The following LPIN1 variants were observed in gnomAD, a reference collection of about 807,000 sequenced individuals.
LPIN1 encodes phosphatidate phosphatase LPIN1.
Under a neutral mutation model 107.5 loss-of-function variants are expected in LPIN1, and 71 were observed. The ratio of observed to expected loss-of-function variants is 0.66; its 90% CI spans 0.55 to 0.80. LPIN1 has a LOEUF of 0.80. LPIN1 is among the 30% of genes least tolerant of loss of function. The pLI, the probability that LPIN1 is intolerant of heterozygous loss-of-function variation, is 0.00. For missense variants in LPIN1, 1,043 were observed against 1,160.6 expected (o/e 0.90, Z 1.47); for synonymous variants, 445 against 452.6 (o/e 0.98, Z 0.21).
chr2:11,754,142 G>T (rs539632449), intron 1 of LPIN1, among the ~76,000 whole-genome samples: 1 of 152,326 alleles, frequency 6.6e-6, no homozygotes, highest in South Asian at 2.1e-4. Flanking sequence ...GTCCTGACAT[G>T]ATCCGTTGGC....
At chr2:11,712,481 T>A (rs7591517) in intron 1 of LPIN1, among the ~76,000 whole-genome samples, 23,507 of 152,184 alleles carry the variant, frequency 0.15, 2,015 homozygotes, top group East Asian at 0.3. Context: ...CACTAGCTTA[T>A]GAGTGACTTA....
chr2:11,782,787 C>A (rs1417081130), intron 8 of LPIN1, among the ~76,000 whole-genome samples: 3 of 152,212 alleles, frequency 2.0e-5, no homozygotes, highest in Non-Finnish European at 4.4e-5. Flanking sequence ...TTCCAGCACA[C>A]CATGGGACCC....
chr2:11,810,622 C>T (rs1006336275), intron 17 of LPIN1, among the ~76,000 whole-genome samples: 8 of 152,164 alleles, frequency 5.3e-5, no homozygotes, highest in African/African-American at 1.7e-4. Context: ...TTTTTCTCTA[C>T]AGCAGTGGCT....
chr2:11,706,122 T>G (rs983180024), intron 1 of LPIN1, among the ~76,000 whole-genome samples: 41 of 152,250 alleles, frequency 2.7e-4, no homozygotes, highest in African/African-American at 9.4e-4. Flanking sequence ...CCCAGCCATG[T>G]GGAACTGTTA....
intron 20 of LPIN1, 130 bp from the exon 21 acceptor site, chr2:11,824,502 T>C: frequency 1.2e-6 from 1 of 817,168 alleles, no homozygotes; most frequent in Admixed American, 2.0e-5. Context: ...TATTCTAGAA[T>C]GACTTGAGTC....
chr2:11,739,048 T>C (rs11894146), intron 1 of LPIN1, among the ~76,000 whole-genome samples: 38,250 of 152,214 alleles, frequency 0.25, 7,160 homozygotes, highest in African/African-American at 0.53. Context: ...TACTAATATG[T>C]TTCTAAAGGA....
At chr2:11,756,222 G>C (rs1228502147) in intron 1 of LPIN1, among the ~76,000 whole-genome samples, 2 of 152,156 alleles carry the variant, frequency 1.3e-5, no homozygotes, top group African/African-American at 2.4e-5. Context: ...TGGACCCACT[G>C]TTATGTCCCA....
intron 1 of LPIN1, among the ~76,000 whole-genome samples, chr2:11,764,040 G>T (rs891126549): frequency 1.5e-5 from 2 of 133,480 alleles, no homozygotes; most frequent in South Asian, 2.6e-4. Context: ...GCCAGAGCAA[G>T]ATCCTATCTT....
intron 2 of LPIN1, among the ~76,000 whole-genome samples, chr2:11,716,115 G>A (rs1320709156): frequency 6.6e-6 from 1 of 152,128 alleles, no homozygotes; most frequent in Non-Finnish European, 1.5e-5. Context: ...GACAAGGTCT[G>A]GGCTGGAAAC....
chr2:11,786,722 T>G lies in LPIN1; in HGVS notation c.1550-352T>G, dbSNP rs1455049292. 6.6e-6 allele frequency among the ~76,000 whole-genome samples: 1 copy of G among 152,244 alleles called. No individual in the cohort carries two copies. The highest frequency in any genetic ancestry group is 1.5e-5 in the Non-Finnish European group (1 of 68,038). ...CCAGGGTTACCCCCGTAATCGTGAC[T>G]TCAGCCGAGGGAGCCTGGCTTCTGC... On this transcript the variant is annotated intron_variant, in intron 10 of 20. Coordinates refer to ENST00000674199, the MANE Select transcript of LPIN1 (RefSeq NM_001349206.2). The surrounding 1 kb of genome is among the most constrained non-coding windows in gnomAD (Gnocchi z 4.1).
intron 6 of LPIN1, among the ~76,000 whole-genome samples, chr2:11,776,871 A>T (rs1672754500): frequency 6.6e-6 from 1 of 152,228 alleles, no homozygotes. Context: ...GCTACGATTA[A>T]TTTGTACGTG....
At chr2:11,701,359 A>T (rs1465924051) in intron 1 of LPIN1, among the ~76,000 whole-genome samples, 2 of 152,192 alleles carry the variant, frequency 1.3e-5, no homozygotes, top group Non-Finnish European at 2.9e-5. Flanking sequence ...TGATGAACTC[A>T]GTGCCTAGCA....
At chr2:11,791,130 A>G (rs1251913159) in intron 12 of LPIN1, among the ~76,000 whole-genome samples, 1 of 152,128 alleles carries the variant, frequency 6.6e-6, no homozygotes, top group Non-Finnish European at 1.5e-5. Context: ...TCAGATAGGG[A>G]TCTTTTAAGC....
At chr2:11,798,368 T>C (rs573119965) in intron 14 of LPIN1, among the ~76,000 whole-genome samples, 2 of 152,282 alleles carry the variant, frequency 1.3e-5, no homozygotes, top group East Asian at 3.9e-4. Context: ...GTGGGCACAG[T>C]GGCATTGCTG....
At chr2:11,741,548 C>T (rs1306115977) in intron 2 of LPIN1, 8 of 755,748 alleles carry the variant, frequency 1.1e-5, no homozygotes, top group South Asian at 5.3e-5. Flanking sequence ...CATTGCCACT[C>T]GAGCTCAGGA....
Position 11,795,418 on chromosome 2 carries a change from C to T in LPIN1, c.1817C>T (p.Pro606Leu), listed in dbSNP as rs1676510065. 3 of 1,613,916 alleles carry T rather than the reference C, an allele frequency of 1.9e-6. No individual in the cohort carries two copies. The highest frequency in any genetic ancestry group is 2.5e-6 in the Non-Finnish European group (3 of 1,179,914). ...TTTCTTCTTTTCTAGGAAAGTAAGC[C>T]AGAGCAGTGCTTGGCTGGCAAGGCC... is the stretch of plus-strand genomic sequence containing the variant. The part of the protein sequence containing the change: ...RNTTIKEESK[P>L]EQCLAGKAHS... The change falls in exon 14 of 21, where the codon CCA becomes CTA. Residue 606 changes from proline (P) to leucine (L), a missense_variant. Coordinates refer to ENST00000674199, the MANE Select transcript of LPIN1 (RefSeq NM_001349206.2).
At chr2:11,716,260 G>A (rs879520083) in intron 2 of LPIN1, among the ~76,000 whole-genome samples, 3 of 152,066 alleles carry the variant, frequency 2.0e-5, no homozygotes, top group Admixed American at 6.6e-5. Flanking sequence ...CTTCTATCCC[G>A]GCATTGATCA....
chr2:11,805,862 A>G (rs899618464), intron 17 of LPIN1, among the ~76,000 whole-genome samples: 5 of 152,242 alleles, frequency 3.3e-5, no homozygotes, highest in Non-Finnish European at 7.3e-5. Context: ...TCCAGGGTTC[A>G]GAGCCCTGCA....
intron 1 of LPIN1, among the ~76,000 whole-genome samples, chr2:11,762,297 T>C (rs963747171): frequency 2.6e-5 from 4 of 152,110 alleles, no homozygotes; most frequent in African/African-American, 9.7e-5. Context: ...CTGCCACGCG[T>C]TCACCAACCT....
Sources: allele counts gnomAD v4.1 joint callset (sites outside exome capture counted in the v4.1 genomes callset), GRCh38; gene constraint gnomAD v4.1.1; non-coding constraint Gnocchi (gnomAD v3.1); transcripts MANE v1.5; gene names NCBI Gene and HGNC (gene_info 2026-07-23, HGNC 2026-07-21).